Variants in MGAT4C observed in about 807,000 individuals in gnomAD.
MGAT4C encodes the protein alpha-1,3-mannosyl-glycoprotein 4-beta-N-acetylglucosaminyltransferase C.
Under a neutral mutation model 40.1 loss-of-function variants are expected in MGAT4C, and 19 were observed. That is an observed-to-expected ratio of 0.47 (90% CI 0.33 to 0.70). The LOEUF is 0.70. Ranked by LOEUF, MGAT4C falls within the 30% of genes least tolerant of loss-of-function variation. The probability of loss-of-function intolerance (pLI) is 0.02; values close to 1 mark genes in which losing one functional copy is unlikely to be tolerated. For missense variants in MGAT4C, 491 were observed against 563.2 expected, an observed-to-expected ratio of 0.87 and a Z score of 1.30; for synonymous variants, 181 against 187.1, an observed-to-expected ratio of 0.97 and a Z score of 0.27.
chr12:86,176,800 C>G (rs1887489376), intron 1 of MGAT4C, among the ~76,000 whole-genome samples: 2 of 145,146 alleles, frequency 1.4e-5, no homozygotes, highest in African/African-American at 5.1e-5. Context: ...TAGGGTGAGG[C>G]CAAATTATAT....
chr12:86,751,779 A>G (rs2136142015), intron 1 of MGAT4C, among the ~76,000 whole-genome samples: 1 of 152,182 alleles, frequency 6.6e-6, no homozygotes, highest in African/African-American at 2.4e-5. Context: ...GAAAGGCAAA[A>G]TATCAACACA....
chr12:86,387,151 T>C (rs1312456648), intron 3 of MGAT4C, among the ~76,000 whole-genome samples: 1 of 152,162 alleles, frequency 6.6e-6, no homozygotes, highest in African/African-American at 2.4e-5. Context: ...TGTACATAGT[T>C]GTCTGAATTA....
At chr12:86,835,215 T>C (rs1250277862) in intron 1 of MGAT4C, among the ~76,000 whole-genome samples, 9 of 152,054 alleles carry the variant, frequency 5.9e-5, no homozygotes, top group Non-Finnish European at 1.0e-4. Flanking sequence ...AATTCAGATG[T>C]AGAATTTTTC....
intron 2 of MGAT4C, among the ~76,000 whole-genome samples, chr12:86,568,399 C>T (rs1371061723): frequency 6.6e-6 from 1 of 152,006 alleles, no homozygotes; most frequent in African/African-American, 2.4e-5. Flanking sequence ...CTGCCAGAGG[C>T]TCACAGACTG....
intron 1 of MGAT4C, among the ~76,000 whole-genome samples, chr12:86,151,622 T>C (rs1003423395): frequency 3.3e-5 from 5 of 152,082 alleles, no homozygotes; most frequent in African/African-American, 9.7e-5. Flanking sequence ...ATGGACACTA[T>C]GTGTAAAGAT....
chr12:86,507,806 T>A (rs913247510), intron 2 of MGAT4C, among the ~76,000 whole-genome samples: 22 of 152,284 alleles, frequency 1.4e-4, no homozygotes, highest in Middle Eastern at 3.4e-3. Flanking sequence ...TTTTAATTAT[T>A]CTAGTTTTAA....
In MGAT4C at chr12:86,183,917, G is replaced by C. The variant is rs565008452; in HGVS notation, c.-57+72322C>G. ...GAGTTTGGGCTTCAACATATTATTT[G>C]GGGGGACAAAATTCCACATATATCA... On this transcript the variant is annotated intron_variant, in intron 1 of 4. Transcript: ENST00000611864. Among the ~76,000 whole-genome samples, 8 of 152,100 alleles carry C rather than the reference G, an allele frequency of 5.3e-5. No homozygotes were observed. In the East Asian group the frequency reaches 1.5e-3, roughly 29 times the overall value.
chr12:86,554,857 A>C (rs942302265), intron 2 of MGAT4C, among the ~76,000 whole-genome samples: 1 of 152,108 alleles, frequency 6.6e-6, no homozygotes, highest in East Asian at 1.9e-4. Context: ...TATGTTGGAA[A>C]TCTAGGTTTC....
At chr12:86,837,048 G>A (rs1420144160) in intron 1 of MGAT4C, among the ~76,000 whole-genome samples, 1 of 152,230 alleles carries the variant, frequency 6.6e-6, no homozygotes, top group Non-Finnish European at 1.5e-5. Context: ...ATTCAGGAGT[G>A]TATGTAGTTT....
intron 4 of MGAT4C, among the ~76,000 whole-genome samples, chr12:86,267,325 G>A (rs1056435057): frequency 1.3e-5 from 2 of 151,958 alleles, no homozygotes; most frequent in African/African-American, 2.4e-5. Flanking sequence ...ACCACTAGAC[G>A]GGACCTACAA....
intron 1 of MGAT4C, among the ~76,000 whole-genome samples, chr12:86,745,642 A>G (rs1179897755): frequency 6.6e-6 from 1 of 151,688 alleles, no homozygotes; most frequent in African/African-American, 2.4e-5. Flanking sequence ...TATCTGTTGA[A>G]TGCTTAACTC....
intron 2 of MGAT4C, among the ~76,000 whole-genome samples, chr12:86,007,374 A>G (rs936740642): frequency 7.2e-5 from 11 of 152,128 alleles, no homozygotes; most frequent in Non-Finnish European, 1.2e-4. Context: ...AATAATTTAT[A>G]TGTGATGAAA....
chr12:86,777,812 A>C (rs1951770394), intron 1 of MGAT4C, among the ~76,000 whole-genome samples: 1 of 152,220 alleles, frequency 6.6e-6, no homozygotes, highest in African/African-American at 2.4e-5. Context: ...ATTACCTTAA[A>C]TCTTAAAAGA....
chr12:86,048,673 G>A (rs1892633950), intron 2 of MGAT4C, among the ~76,000 whole-genome samples: 1 of 152,024 alleles, frequency 6.6e-6, no homozygotes, highest in African/African-American at 2.4e-5. Flanking sequence ...TTCCAGAATT[G>A]CTGGAAACAT....
chr12:86,072,192 G>T (rs1868654126), intron 1 of MGAT4C, among the ~76,000 whole-genome samples: 1 of 152,036 alleles, frequency 6.6e-6, no homozygotes, highest in South Asian at 2.1e-4. Context: ...TAAGTGATGT[G>T]CCTGAGGTTA....
rs1342190639 is a variant in MGAT4C, at chr12:85,972,431, C to T, written c.*6858G>A. On this transcript the variant is annotated 3_prime_UTR_variant, in exon 5 of 5. Transcript: ENST00000611864. ...CCCTTTTGAAAATTGAGACTGATTT[C>T]TAAAACAAAAAAAAAGACTTTAGGA... 6.7e-6 allele frequency: 1 copy of T among 149,996 alleles called. No individual in the cohort carries two copies. Among genetic ancestry groups the T allele is most frequent in the Non-Finnish European group, 1.5e-5 (1 of 66,968 alleles). The allele number at this position is 149,996 out of a possible 1,614,324, so 9.3% of individuals were successfully genotyped here. A position where few individuals can be genotyped will look rare whatever the true frequency, so the allele number is the denominator to read the frequency against.
intron 3 of MGAT4C, among the ~76,000 whole-genome samples, chr12:86,418,393 A>G (rs1197249959): frequency 1.3e-5 from 2 of 152,106 alleles, no homozygotes; most frequent in Non-Finnish European, 2.9e-5. Context: ...CCTTGAGGTC[A>G]GGAGTTTGAG....
At chr12:86,767,862 T>G (rs1457871050) in intron 1 of MGAT4C, among the ~76,000 whole-genome samples, 16 of 152,330 alleles carry the variant, frequency 1.1e-4, no homozygotes, top group Admixed American at 5.2e-4. Flanking sequence ...TGATGGGACG[T>G]ATCTCAAAAT....
Position 86,771,710 on chromosome 12 carries a change from GT to G in MGAT4C, c.-261-44470del, listed in dbSNP as rs1565979510. 4.6e-5 allele frequency among the ~76,000 whole-genome samples: 5 copies of G among 109,494 alleles called. No homozygotes were observed. The East Asian group carries it at 1.1e-3, about 24-fold the overall frequency. The allele number at this position is 109,494 out of a possible 152,430, so 71.8% of individuals were successfully genotyped here. A position where few individuals can be genotyped will look rare whatever the true frequency, so the allele number is the denominator to read the frequency against. The stretch of plus-strand genomic sequence containing the variant: ...TATGTGTGTGTGTGTGTGTGTGTGT[GT>G]GTGTGTGTGTGTATGTGTGTGTGTA... On this transcript the variant is annotated intron_variant, in intron 1 of 7. Coordinates refer to the MGAT4C transcript ENST00000548651.
Sources: gnomAD v4.1 joint callset for allele counts (sites outside exome capture counted in the v4.1 genomes callset) on GRCh38, gnomAD v4.1.1 for gene constraint, MANE v1.5 for transcripts, NCBI Gene and HGNC (gene_info 2026-07-23, HGNC 2026-07-21) for gene names.